CTNNA1: variants seen among roughly 807,000 people sequenced by gnomAD.
CTNNA1 encodes catenin alpha 1.
CTNNA1 carries 37 observed loss-of-function variants against 98.4 expected under a neutral mutation model. The observed-to-expected ratio is 0.38, with a 90% CI of 0.29 to 0.49. CTNNA1 has a LOEUF of 0.49. Ranked by LOEUF, CTNNA1 falls within the 20% of genes least tolerant of loss-of-function variation. The pLI, the probability that CTNNA1 is intolerant of heterozygous loss-of-function variation, is 0.95. For synonymous variants in CTNNA1, 404 were observed against 413.2 expected (o/e 0.98, Z 0.27); for missense variants, 761 against 1,147.2 (o/e 0.66, Z 4.86).
intron 1 of CTNNA1, among the ~76,000 whole-genome samples, chr5:138,758,847 G>T (rs1273733474): frequency 6.7e-6 from 1 of 148,692 alleles, no homozygotes; most frequent in South Asian, 2.1e-4. Flanking sequence ...TGCTCTCGTT[G>T]CCCGGACTGG....
chr5:138,771,595 C>T (rs1753562310), intron 1 of CTNNA1, among the ~76,000 whole-genome samples: 1 of 152,068 alleles, frequency 6.6e-6, no homozygotes, highest in South Asian at 2.1e-4. Flanking sequence ...CTATGTTGCC[C>T]AGACTGGTCT....
intron 12 of CTNNA1, among the ~76,000 whole-genome samples, chr5:138,924,995 T>C (rs1763698228): frequency 6.6e-6 from 1 of 152,232 alleles, no homozygotes; most frequent in Admixed American, 6.5e-5. Context: ...TAAATTAAGG[T>C]AGGTCCCATT....
At chr5:138,853,713 A>G (rs1398042132) in intron 7 of CTNNA1, among the ~76,000 whole-genome samples, 2 of 152,236 alleles carry the variant, frequency 1.3e-5, no homozygotes, top group Non-Finnish European at 2.9e-5. Context: ...GACATTTTAC[A>G]ATCATGGGCA....
intron 7 of CTNNA1, among the ~76,000 whole-genome samples, chr5:138,859,216 C>T (rs1764038971): frequency 1.3e-5 from 2 of 152,308 alleles, no homozygotes; most frequent in South Asian, 4.1e-4. Flanking sequence ...TTTCCAATAG[C>T]ACATGACTTG....
chr5:138,829,887 TAAAAATACAGA>T (rs1761089077), intron 7 of CTNNA1, among the ~76,000 whole-genome samples: 2 of 151,884 alleles, frequency 1.3e-5, no homozygotes, highest in African/African-American at 4.8e-5. Flanking sequence ...CAGTCTCTAC[TAAAAATACAGA>T]AAAATTACCT....
chr5:138,778,870 T>A (rs1288538163), intron 1 of CTNNA1, among the ~76,000 whole-genome samples: 2 of 151,996 alleles, frequency 1.3e-5, no homozygotes, highest in African/African-American at 4.8e-5. Flanking sequence ...TTATGAGGGA[T>A]CTAGTTCAAA....
intron 5 of CTNNA1, among the ~76,000 whole-genome samples, chr5:138,824,124 T>C (rs1760393589): frequency 1.3e-5 from 2 of 152,134 alleles, no homozygotes; most frequent in African/African-American, 4.8e-5. Flanking sequence ...AGGCAGTTTG[T>C]TTTGTCTTTT....
In CTNNA1 at chr5:138,850,465, T is replaced by C. The variant is rs186609029; in HGVS notation, c.1062+22747T>C. 1.1e-3 allele frequency among the ~76,000 whole-genome samples: 173 copies of C among 152,350 alleles called. No homozygotes were observed. Among genetic ancestry groups the C allele is most frequent in the African/African-American group, 4.0e-3 (167 of 41,586 alleles). On this transcript the variant is annotated intron_variant, in intron 7 of 17. Transcript: ENST00000302763. Reference sequence around the variant, plus strand: ...TGTTATTGACTGTTCTGTATAATGTTGAGGATACTTCTATTTAACAAATAA... The same window carrying C: ...TGTTATTGACTGTTCTGTATAATGTCGAGGATACTTCTATTTAACAAATAA...
intron 3 of CTNNA1, among the ~76,000 whole-genome samples, chr5:138,786,478 A>G (rs1010037351): frequency 1.1e-4 from 16 of 151,944 alleles, no homozygotes; most frequent in African/African-American, 3.9e-4. Flanking sequence ...TTCTTTGGAC[A>G]CCCCTCCCTT....
chr5:138,925,854 G>C (rs1015386907), intron 13 of CTNNA1, among the ~76,000 whole-genome samples: 1 of 152,206 alleles, frequency 6.6e-6, no homozygotes. Flanking sequence ...GGCCCCAGGT[G>C]ATGCTCCTAG....
chr5:138,840,585 A>G (rs1259171392), intron 7 of CTNNA1, among the ~76,000 whole-genome samples: 1 of 152,236 alleles, frequency 6.6e-6, no homozygotes, highest in Non-Finnish European at 1.5e-5. Flanking sequence ...TCGATTTATT[A>G]AAAATATTGT....
At chr5:138,852,791 T>A (rs537276731) in intron 7 of CTNNA1, among the ~76,000 whole-genome samples, 1 of 152,208 alleles carries the variant, frequency 6.6e-6, no homozygotes, top group Admixed American at 6.5e-5. Flanking sequence ...AGAACCAGTG[T>A]TACCAATCTG....
At chr5:138,900,395 T>G (rs954848600) in intron 9 of CTNNA1, among the ~76,000 whole-genome samples, 2 of 152,174 alleles carry the variant, frequency 1.3e-5, no homozygotes, top group Non-Finnish European at 2.9e-5. Context: ...GAGTCAGTCA[T>G]TAATTTATTA....
chr5:138,773,545 A>C (rs1263593085), intron 1 of CTNNA1, among the ~76,000 whole-genome samples: 1 of 152,204 alleles, frequency 6.6e-6, no homozygotes, highest in Non-Finnish European at 1.5e-5. Context: ...AAGGTGCTAT[A>C]CAGGGCAGTC....
In CTNNA1 at chr5:138,874,363, C is replaced by A; in HGVS notation, c.1063-11849C>A. 6.2e-7 allele frequency: 1 copy of A among 1,614,002 alleles called. No homozygotes were observed. ...CTGTGATGTGATTGTGCCTCAGGGA[C>A]AGGCCCAGAGAGCCCTTGTCTGTGG... On this transcript the variant is annotated intron_variant, in intron 7 of 17. Coordinates refer to ENST00000302763, the MANE Select transcript of CTNNA1 (RefSeq NM_001903.5). The surrounding 1 kb of genome is among the most constrained non-coding windows in gnomAD (Gnocchi z 4.1).
chr5:138,802,170 A>G (rs1456024068), intron 3 of CTNNA1, among the ~76,000 whole-genome samples: 2 of 152,236 alleles, frequency 1.3e-5, no homozygotes, highest in African/African-American at 4.8e-5. Context: ...GCATTGTTCA[A>G]ACTACTTTTG....
At chr5:138,924,745 A>G (rs1403499633) in intron 12 of CTNNA1, 35 bp downstream of exon 12, 4 of 1,533,708 alleles carry the variant, frequency 2.6e-6, no homozygotes, top group Non-Finnish European at 8.8e-7. Context: ...GCTCGCACAC[A>G]CCGCAGCCTC....
chr5:138,887,712 T>A (rs1754387669), intron 9 of CTNNA1, 70 bp downstream of exon 9: 1 of 1,336,704 alleles, frequency 7.5e-7, no homozygotes, highest in Non-Finnish European at 1.0e-6. Flanking sequence ...AATCACATTA[T>A]TTAATCAGTT....
At chr5:138,777,914 A>AGGGGGAGGAGGGAG (rs1754556879) in intron 1 of CTNNA1, among the ~76,000 whole-genome samples, 1 of 49,798 alleles carries the variant, frequency 2.0e-5, no homozygotes, top group Non-Finnish European at 3.5e-5. Context: ...GAGGAGGGAG[A>AGGGGGAGGAGGGAG]GGGGGAGGAG....
Sources: gnomAD v4.1 joint callset for allele counts (sites outside exome capture counted in the v4.1 genomes callset) on GRCh38, gnomAD v4.1.1 for gene constraint, Gnocchi (gnomAD v3.1) non-coding constraint, MANE v1.5 for transcripts, NCBI Gene and HGNC (gene_info 2026-07-23, HGNC 2026-07-21) for gene names.